Variants in SLC10A1 observed in about 807,000 individuals in gnomAD.
The protein encoded by SLC10A1 is solute carrier family 10 member 1.
In SLC10A1, 36 loss-of-function variants were observed where a neutral mutation model predicts 20.5. The ratio of observed to expected loss-of-function variants is 1.75; its 90% CI spans 1.34 to 2.32. The LOEUF is 2.32. Ranked by LOEUF, SLC10A1 falls within the 30% of genes most tolerant of loss-of-function variation. The pLI, the probability that SLC10A1 is intolerant of heterozygous loss-of-function variation, is 0.00. For synonymous variants in SLC10A1, 188 were observed against 163.6 expected (o/e 1.15, Z -1.14); for missense variants, 545 against 439.1 (o/e 1.24, Z -2.16).
chr14:69,783,559 G>T (rs116263820), intron 2 of SLC10A1, among the ~76,000 whole-genome samples: 1,744 of 152,236 alleles, frequency 0.011, 36 homozygotes, highest in African/African-American at 0.04. Context: ...AGAAGGGCAC[G>T]TGCAAAGAGA....
chr14:69,796,730 T>G, intron 1 of SLC10A1, 70 bp downstream of exon 1: 2 of 1,298,066 alleles, frequency 1.5e-6, no homozygotes, highest in Non-Finnish European at 2.2e-6. Context: ...AGCCCAGCTC[T>G]TCCCCTCAAT....
intron 3 of SLC10A1, 126 bp from the exon 4 acceptor site, chr14:69,778,655 A>T: frequency 1.4e-6 from 1 of 731,280 alleles, no homozygotes; most frequent in Non-Finnish European, 2.2e-6. Context: ...GTACTTTGCT[A>T]TTGCTGCTGG....
At chr14:69,789,820 T>C (rs1469126396) in intron 1 of SLC10A1, among the ~76,000 whole-genome samples, 1 of 151,922 alleles carries the variant, frequency 6.6e-6, no homozygotes, top group Admixed American at 6.6e-5. Context: ...GTTAAGCACC[T>C]TAAGAGGTTA....
At chr14:69,796,103 C>T (rs1055701690) in intron 1 of SLC10A1, among the ~76,000 whole-genome samples, 1 of 152,172 alleles carries the variant, frequency 6.6e-6, no homozygotes, top group Non-Finnish European at 1.5e-5. Flanking sequence ...AGGAGCGAGC[C>T]CTTGCTGATT....
intron 1 of SLC10A1, among the ~76,000 whole-genome samples, chr14:69,794,797 C>CA (rs145260192): frequency 0.13 from 19,350 of 152,118 alleles, 1,682 homozygotes; most frequent in Admixed American, 0.2. Flanking sequence ...GTAAAAATGA[C>CA]AGTCATCAGG....
In SLC10A1 at chr14:69,775,741, T is replaced by C. The variant is rs570276827; in HGVS notation, c.*541A>G. ...TTTGTTTTGCCTGATTGCATCTTAC[T>C]GTGTTCACTTTTGCATACTTGATGT... is the stretch of plus-strand genomic sequence containing the variant. On this transcript the variant is annotated 3_prime_UTR_variant, in exon 5 of 5. Coordinates refer to ENST00000216540, the MANE Select transcript of SLC10A1 (RefSeq NM_003049.4). The C allele has an allele frequency of 6.6e-6, 1 of 152,558 alleles. No homozygotes were observed. The highest frequency in any genetic ancestry group is 2.4e-5 in the African/African-American group (1 of 41,590). The allele number at this position is 152,558 out of a possible 1,614,324, so 9.5% of individuals were successfully genotyped here. A position where few individuals can be genotyped will look rare whatever the true frequency, so the allele number is the denominator to read the frequency against.
rs1318121787 is a variant in SLC10A1, at chr14:69,796,977, C to T, written c.179G>A (p.Gly60Glu). 1 of 1,614,234 alleles carries T rather than the reference C, an allele frequency of 6.2e-7. No homozygotes were observed. The highest frequency in any genetic ancestry group is 8.5e-7 in the Non-Finnish European group (1 of 1,180,048). Residue 60 changes from glycine to glutamate, a missense_variant, in exon 1 of 5, where the codon GGG becomes GAG. Physicochemically the swap from Gly to Glu is moderately conservative, Grantham distance 98. Coordinates refer to ENST00000216540, the MANE Select transcript of SLC10A1 (RefSeq NM_003049.4). ...CTGTGCCACCAGGGCGATGGCCAGCCCTTTAGGCTTCCATAAGTGAGCCTT... is the reference window on the plus strand; with the variant it reads ...CTGTGCCACCAGGGCGATGGCCAGCTCTTTAGGCTTCCATAAGTGAGCCTT... ...KIKAHLWKPK[G>E]LAIALVAQYG...
Position 69,776,302 on chromosome 14 carries a change from A to G in SLC10A1, c.1030T>C (p.Cys344Arg). 1 of 1,613,276 alleles carries G rather than the reference A, an allele frequency of 6.2e-7. No individual in the cohort carries two copies. The highest frequency in any genetic ancestry group is 1.7e-5 in the Admixed American group (1 of 60,020). The change falls in exon 5 of 5, where the codon TGC becomes CGC. Residue 344 changes from cysteine (C) to arginine (R), a missense_variant. Physicochemically the swap from Cys to Arg is radical, Grantham distance 180. Coordinates refer to ENST00000216540, the MANE Select transcript of SLC10A1 (RefSeq NM_003049.4). ...LGNGTYKGED[C>R]SPCTA The stretch of plus-strand genomic sequence containing the variant: ...AAGGGCTAGGCTGTGCAAGGGGAGC[A>G]GTCCTCCCCTTTGTAGGTGCCATTT...
intron 2 of SLC10A1, among the ~76,000 whole-genome samples, chr14:69,780,457 A>G (rs1594761039): frequency 1.3e-5 from 2 of 152,126 alleles, no homozygotes; most frequent in African/African-American, 2.4e-5. Context: ...GTTCATTCAC[A>G]TGTGTTGCAT....
chr14:69,776,090 T>C lies in SLC10A1; in HGVS notation c.*192A>G, dbSNP rs199630754. ...TTAAAATAAGTAGCAAATTCTAAGT[T>C]GGGGATAGGTGAGGCTTCTTGGGTA... On this transcript the variant is annotated 3_prime_UTR_variant, in exon 5 of 5. Transcript: ENST00000216540. 3.9e-5 allele frequency: 22 copies of C among 560,764 alleles called. No homozygotes were observed. The highest frequency in any genetic ancestry group is 2.8e-5 in the Non-Finnish European group (9 of 316,190). The allele number at this position is 560,764 out of a possible 1,614,324, so 34.7% of individuals were successfully genotyped here.
Position 69,796,834 on chromosome 14 carries a change from A to G in SLC10A1, c.322T>C (p.Phe108Leu), listed in dbSNP as rs1346146347. 1.2e-6 allele frequency: 2 copies of G among 1,614,144 alleles called. No homozygotes were observed. Among genetic ancestry groups the G allele is most frequent in the Admixed American group, 3.3e-5 (2 of 60,022 alleles). Reference sequence around the variant, plus strand: ...ATGTCCCCCTTCATGGCCAGACTGAAGACATTGGACAGGTTCCCTCCAGGT... The same window carrying G: ...ATGTCCCCCTTCATGGCCAGACTGAGGACATTGGACAGGTTCCCTCCAGGT... ...CSPGGNLSNVFSLAMKGDMNL... is the reference protein window; with the variant it reads ...CSPGGNLSNVLSLAMKGDMNL... The change falls in exon 1 of 5, where the codon TTC becomes CTC. Residue 108 changes from phenylalanine to leucine, a missense_variant. Phe to Leu is a conservative substitution (Grantham distance 22). Coordinates refer to ENST00000216540, the MANE Select transcript of SLC10A1 (RefSeq NM_003049.4).
Position 69,779,290 on chromosome 14 carries a change from C to T in SLC10A1, c.638G>A (p.Ser213Asn), listed in dbSNP as rs1319348206. Residue 213 changes from serine (S) to asparagine (N), a missense_variant, in exon 3 of 5, where the codon AGC (serine) becomes AAC (asparagine). By Grantham distance (46) the Ser-to-Asn change is conservative (BLOSUM62 1). Coordinates refer to ENST00000216540, the MANE Select transcript of SLC10A1 (RefSeq NM_003049.4). ...TVLSAINVGKSIMFAMTPLLI... is the reference protein window; with the variant it reads ...TVLSAINVGKNIMFAMTPLLI... ...GAGTGGTGTCATGGCAAACATGATGCTCTTCCCCACATTGATGGCAGAGAG... is the reference window on the plus strand; with the variant it reads ...GAGTGGTGTCATGGCAAACATGATGTTCTTCCCCACATTGATGGCAGAGAG... 7.4e-6 allele frequency: 12 copies of T among 1,613,840 alleles called. No individual in the cohort carries two copies. The Admixed American group carries it at 1.8e-4, about 25-fold the overall frequency.
At position 69,797,024 on chromosome 14, in the gene SLC10A1, G is replaced by T. The variant is rs200809908; in HGVS notation, c.132C>A (p.Cys44Ter). ...MLFFIMLSLG[C>*]TMEFSKIKAH... ...CCTTGATCTTGCTGAACTCCATGGT[G>T]CAGCCCAGCGAGAGCATGATGAAGA... The change falls in exon 1 of 5, where the codon TGC becomes TGA. Residue 44 changes from cysteine to a stop codon, truncating the protein, a stop_gained. Transcript: ENST00000216540. LOFTEE classifies it high-confidence loss of function. 2.5e-5 allele frequency: 40 copies of T among 1,614,122 alleles called. No individual in the cohort carries two copies. The highest frequency in any genetic ancestry group is 1.8e-4 in the South Asian group (16 of 91,092).
intron 4 of SLC10A1, among the ~76,000 whole-genome samples, 175 bp from the exon 5 acceptor site, chr14:69,776,563 A>G (rs1157192439): frequency 1.3e-5 from 2 of 152,158 alleles, no homozygotes; most frequent in Non-Finnish European, 2.9e-5. Flanking sequence ...CTTTCCCCTC[A>G]GTCTCCCTAA....
Position 69,775,659 on chromosome 14 carries a change from CCTCTA to C in SLC10A1, c.*618_*622del, listed in dbSNP as rs1883429558. The C allele has an allele frequency of 6.6e-6, 1 of 152,140 alleles. No homozygotes were observed. Among genetic ancestry groups the C allele is most frequent in the African/African-American group, 2.4e-5 (1 of 41,424 alleles). 9.4% of individuals were successfully genotyped at this position (152,140 alleles called of 1,614,324 possible). On this transcript the variant is annotated 3_prime_UTR_variant, in exon 5 of 5. Coordinates refer to ENST00000216540, the MANE Select transcript of SLC10A1 (RefSeq NM_003049.4). ...GTTTTTCCTTGTCAAAAGTTTTCCTCCTCTACTAACATGATGCATTCGCCCAGTTT... is the reference window on the plus strand; with the variant it reads ...GTTTTTCCTTGTCAAAAGTTTTCCTCCTAACATGATGCATTCGCCCAGTTT...
At chr14:69,787,712 C>A (rs1457443343) in intron 1 of SLC10A1, among the ~76,000 whole-genome samples, 1 of 152,134 alleles carries the variant, frequency 6.6e-6, no homozygotes, top group Non-Finnish European at 1.5e-5. Flanking sequence ...CACTTAAATA[C>A]ACACTTGAGC....
At chr14:69,780,935 C>T (rs970387272) in intron 2 of SLC10A1, among the ~76,000 whole-genome samples, 2 of 152,190 alleles carry the variant, frequency 1.3e-5, no homozygotes, top group Non-Finnish European at 2.9e-5. Context: ...GAATTGTCCA[C>T]GAATCCAGAA....
At chr14:69,782,977 A>G (rs1175006135) in intron 2 of SLC10A1, among the ~76,000 whole-genome samples, 1 of 152,238 alleles carries the variant, frequency 6.6e-6, no homozygotes, top group Non-Finnish European at 1.5e-5. Context: ...GGAGGAGGGC[A>G]GAGTAGCATT....
At chr14:69,785,746 C>T (rs915948770) in intron 2 of SLC10A1, among the ~76,000 whole-genome samples, 24 of 150,896 alleles carry the variant, frequency 1.6e-4, no homozygotes, top group Non-Finnish European at 3.2e-4. Context: ...TGCAGGCACT[C>T]GCTACCATGC....
Sources: allele counts gnomAD v4.1 joint callset (sites outside exome capture counted in the v4.1 genomes callset), GRCh38; gene constraint gnomAD v4.1.1; transcripts MANE v1.5; gene names NCBI Gene and HGNC (gene_info 2026-07-23, HGNC 2026-07-21).